CNTNAP2: variants seen among roughly 807,000 people sequenced by gnomAD.
The protein encoded by CNTNAP2 is contactin-associated protein-like 2.
In CNTNAP2, 98 loss-of-function variants were observed where a neutral mutation model predicts 155.2. The observed-to-expected ratio is 0.63, with a 90% CI of 0.54 to 0.75. The LOEUF is 0.75. Among genes scored for constraint, CNTNAP2 ranks in the 30% least tolerant of loss-of-function variants. The pLI is 0.00. For missense variants in CNTNAP2, 1,727 were observed against 1,688.1 expected (o/e 1.02, Z -0.40); for synonymous variants, 651 against 631.2 (o/e 1.03, Z -0.47).
chr7:147,006,251 G>A (rs1411836483), intron 3 of CNTNAP2, among the ~76,000 whole-genome samples: 1 of 152,018 alleles, frequency 6.6e-6, no homozygotes, highest in Non-Finnish European at 1.5e-5. Context: ...GTGGCTAGGA[G>A]AAGTATACTA....
intron 22 of CNTNAP2, among the ~76,000 whole-genome samples, chr7:148,388,863 G>A (rs578251467): frequency 5.3e-5 from 8 of 152,284 alleles, no homozygotes; most frequent in African/African-American, 7.2e-5. Flanking sequence ...CGTGAACTGC[G>A]AATGCTGCCA....
intron 22 of CNTNAP2, among the ~76,000 whole-genome samples, chr7:148,407,775 TC>T (rs1355729889): frequency 6.7e-6 from 1 of 149,416 alleles, no homozygotes; most frequent in African/African-American, 2.4e-5. Flanking sequence ...CTCTTTTGCA[TC>T]CCCCAGTTAA....
At chr7:148,351,291 A>G (rs1475526526) in intron 21 of CNTNAP2, among the ~76,000 whole-genome samples, 1 of 152,074 alleles carries the variant, frequency 6.6e-6, no homozygotes. Flanking sequence ...TTGGTCAGGT[A>G]AGGCCTCCTC....
intron 8 of CNTNAP2, among the ~76,000 whole-genome samples, chr7:147,147,812 CA>C (rs907914844): frequency 4.0e-5 from 6 of 150,684 alleles, no homozygotes; most frequent in African/African-American, 9.8e-5. Context: ...TTGATCGCTA[CA>C]AAAAAAAGTA....
chr7:148,370,463 C>G (rs1272961471), intron 21 of CNTNAP2, among the ~76,000 whole-genome samples: 3 of 152,196 alleles, frequency 2.0e-5, no homozygotes, highest in Admixed American at 2.0e-4. Flanking sequence ...CAGGCTGTTT[C>G]TTTTCTGGAT....
intron 11 of CNTNAP2, among the ~76,000 whole-genome samples, chr7:147,488,762 A>C (rs1393990659): frequency 6.6e-6 from 1 of 151,844 alleles, no homozygotes; most frequent in African/African-American, 2.4e-5. Context: ...TTGCTTGGTC[A>C]CTCTGCCTTG....
At chr7:147,888,525 C>A (rs1180476277) in intron 13 of CNTNAP2, among the ~76,000 whole-genome samples, 1 of 151,578 alleles carries the variant, frequency 6.6e-6, no homozygotes, top group Admixed American at 6.6e-5. Context: ...AGTGGTGAGG[C>A]CTTATTTTGG....
chr7:147,663,118 C>A (rs1280757206), intron 13 of CNTNAP2, among the ~76,000 whole-genome samples: 1 of 152,182 alleles, frequency 6.6e-6, no homozygotes, highest in African/African-American at 2.4e-5. Flanking sequence ...CCTGCCTCAG[C>A]CTCCTGAGCA....
intron 8 of CNTNAP2, among the ~76,000 whole-genome samples, chr7:147,224,037 C>T (rs1221983278): frequency 1.7e-5 from 1 of 58,560 alleles, no homozygotes; most frequent in Admixed American, 1.9e-4. Flanking sequence ...CCAAGGCCAC[C>T]TGGAGAACTG....
chr7:146,344,910 T>A (rs78672351), intron 1 of CNTNAP2, among the ~76,000 whole-genome samples: 3,522 of 152,294 alleles, frequency 0.023, 59 homozygotes, highest in Non-Finnish European at 0.036. Context: ...TACCCATGAC[T>A]AGAGATATGA....
intron 3 of CNTNAP2, among the ~76,000 whole-genome samples, chr7:147,001,047 G>A (rs958448216): frequency 7.9e-5 from 12 of 152,176 alleles, no homozygotes; most frequent in African/African-American, 2.6e-4. Context: ...AAAGTTCTAC[G>A]ATTGCTTACC....
intron 13 of CNTNAP2, among the ~76,000 whole-genome samples, chr7:147,809,458 G>C (rs576920526): frequency 1.3e-5 from 2 of 152,206 alleles, no homozygotes; most frequent in South Asian, 4.1e-4. Context: ...AAAACAACTT[G>C]CCCAAGCCCT....
At chr7:147,580,159 C>T (rs1250036593) in intron 12 of CNTNAP2, among the ~76,000 whole-genome samples, 3 of 152,136 alleles carry the variant, frequency 2.0e-5, no homozygotes, top group African/African-American at 7.2e-5. Flanking sequence ...TTTTTCTGTC[C>T]TTCCAACTAT....
At chr7:147,202,936 A>G (rs1181502534) in intron 8 of CNTNAP2, among the ~76,000 whole-genome samples, 3 of 151,642 alleles carry the variant, frequency 2.0e-5, no homozygotes, top group Admixed American at 1.3e-4. Flanking sequence ...GTAGAGAAAT[A>G]TGAACAACTC....
chr7:147,561,074 G>A (rs561516015), intron 11 of CNTNAP2, among the ~76,000 whole-genome samples: 1 of 152,164 alleles, frequency 6.6e-6, no homozygotes, highest in African/African-American at 2.4e-5. Flanking sequence ...GAAATCCAGA[G>A]AGGTGGCAAT....
intron 17 of CNTNAP2, among the ~76,000 whole-genome samples, chr7:148,161,260 T>C (rs546936500): frequency 2.6e-5 from 4 of 152,350 alleles, no homozygotes; most frequent in Admixed American, 2.0e-4. Context: ...TCTGCTGTCA[T>C]TGGTTCTGTG....
intron 4 of CNTNAP2, among the ~76,000 whole-genome samples, chr7:147,078,495 G>A (rs1563068120): frequency 1.3e-5 from 2 of 151,976 alleles, no homozygotes; most frequent in Non-Finnish European, 2.9e-5. Flanking sequence ...ATTAGACAGG[G>A]AATTCTGAAG....
intron 15 of CNTNAP2, among the ~76,000 whole-genome samples, chr7:148,089,817 C>T (rs1803802590): frequency 6.6e-6 from 1 of 151,760 alleles, no homozygotes; most frequent in South Asian, 2.1e-4. Context: ...ACAAAAGACC[C>T]TAAATAGCTA....
chr7:146,488,311 C>CCCTTCCTT (rs147867725), intron 1 of CNTNAP2, among the ~76,000 whole-genome samples: 2,257 of 132,462 alleles, frequency 0.017, 34 homozygotes, highest in Non-Finnish European at 0.025. Flanking sequence ...CTTCCTCCCT[C>CCCTTCCTT]CCTTCCTTCC....
Sources: gnomAD v4.1 joint callset for allele counts (sites outside exome capture counted in the v4.1 genomes callset) on GRCh38, gnomAD v4.1.1 for gene constraint, MANE v1.5 for transcripts, NCBI Gene and HGNC (gene_info 2026-07-23, HGNC 2026-07-21) for gene names.